NELL1: variants seen among roughly 807,000 people sequenced by gnomAD.
NELL1 encodes the protein protein kinase C-binding protein NELL1.
A neutral mutation model predicts 107.4 loss-of-function variants in NELL1; 76 were observed. The observed-to-expected ratio is 0.71, with a 90% CI of 0.59 to 0.86. NELL1 has a LOEUF of 0.86. Ranked by LOEUF, NELL1 falls within the 40% of genes least tolerant of loss-of-function variation. The pLI is 0.00. For synonymous variants in NELL1, 353 were observed against 341.2 expected (o/e 1.03, Z -0.38); for missense variants, 1,024 against 1,005.5 (o/e 1.02, Z -0.25).
intron 2 of NELL1, among the ~76,000 whole-genome samples, chr11:20,741,301 G>C (rs1855884653): frequency 6.6e-6 from 1 of 151,956 alleles, no homozygotes; most frequent in African/African-American, 2.4e-5. Context: ...AGACCATTTA[G>C]CTTTCCCTCC....
chr11:21,568,087 A>T (rs1448103822), intron 17 of NELL1, among the ~76,000 whole-genome samples: 1 of 151,826 alleles, frequency 6.6e-6, no homozygotes, highest in Non-Finnish European at 1.5e-5. Flanking sequence ...AACATCATAG[A>T]GTATATTTAA....
intron 15 of NELL1, among the ~76,000 whole-genome samples, chr11:21,463,037 T>A (rs1413286231): frequency 6.6e-6 from 1 of 152,064 alleles, no homozygotes; most frequent in African/African-American, 2.4e-5. Context: ...TCATTAAGAA[T>A]AAATTTGCTG....
intron 13 of NELL1, among the ~76,000 whole-genome samples, chr11:21,210,523 A>G (rs79449011): frequency 2.6e-5 from 4 of 152,176 alleles, no homozygotes; most frequent in South Asian, 2.1e-4. Context: ...CCATTTCTGT[A>G]TCTTCTTTGG....
intron 14 of NELL1, among the ~76,000 whole-genome samples, chr11:21,361,841 G>A (rs2133738814): frequency 6.6e-6 from 1 of 152,046 alleles, no homozygotes; most frequent in East Asian, 1.9e-4. Context: ...AGTTGTGATT[G>A]TTTTTCCTTT....
intron 2 of NELL1, among the ~76,000 whole-genome samples, chr11:20,738,774 G>T (rs563338305): frequency 6.6e-6 from 1 of 152,332 alleles, no homozygotes; most frequent in South Asian, 2.1e-4. Context: ...TTTCCTGCTA[G>T]AGGACGAGAA....
In NELL1 at chr11:20,724,581, G is replaced by C. The variant is rs188268316; in HGVS notation, c.184+46521G>C. Reference sequence around the variant, plus strand: ...TGACCTTTATTCCAGTTCACAGCAAGTTCTTCATCTCCATCCGAGACCACC... The same window carrying C: ...TGACCTTTATTCCAGTTCACAGCAACTTCTTCATCTCCATCCGAGACCACC... On this transcript the variant is annotated intron_variant, in intron 2 of 19. Transcript: ENST00000357134. Among the ~76,000 whole-genome samples the C allele has an allele frequency of 8.4e-3, 1,278 of 152,256 alleles. 12 individuals are homozygous for C. The highest frequency in any genetic ancestry group is 0.014 in the Non-Finnish European group (948 of 68,026).
chr11:21,450,447 C>T (rs1853548898), intron 15 of NELL1, among the ~76,000 whole-genome samples: 1 of 152,156 alleles, frequency 6.6e-6, no homozygotes, highest in African/African-American at 2.4e-5. Context: ...TTTATAGCTG[C>T]AGCTAGAGTT....
chr11:21,207,791 C>T (rs1182179690), intron 13 of NELL1, among the ~76,000 whole-genome samples: 1 of 152,164 alleles, frequency 6.6e-6, no homozygotes, highest in African/African-American at 2.4e-5. Context: ...TGCCAAACCT[C>T]TCCTAAGTGA....
At position 21,111,713 on chromosome 11, in the gene NELL1, A is replaced by G. The variant is rs577356957; in HGVS notation, c.1301-1876A>G. ...TTAGAAGTGATATGCTTCCACTCAGATTTCATGATCAATCATGAGATTAAT... is the reference window on the plus strand; with the variant it reads ...TTAGAAGTGATATGCTTCCACTCAGGTTTCATGATCAATCATGAGATTAAT... On this transcript the variant is annotated intron_variant, in intron 12 of 19. Transcript: ENST00000357134. 2.0e-5 allele frequency among the ~76,000 whole-genome samples: 3 copies of G among 152,176 alleles called. No homozygotes were observed. The East Asian group carries it at 5.8e-4, about 29-fold the overall frequency.
intron 14 of NELL1, among the ~76,000 whole-genome samples, chr11:21,245,223 C>T (rs890117170): frequency 6.6e-6 from 1 of 152,118 alleles, no homozygotes; most frequent in African/African-American, 2.4e-5. Flanking sequence ...CAAGTCTTCC[C>T]TTCTTCCCTG....
At chr11:21,337,693 C>A (rs1158622897) in intron 14 of NELL1, among the ~76,000 whole-genome samples, 1 of 151,952 alleles carries the variant, frequency 6.6e-6, no homozygotes, top group Non-Finnish European at 1.5e-5. Flanking sequence ...CCTGCTGGCA[C>A]CCTGCTTTTC....
At chr11:21,308,282 A>G (rs1485181582) in intron 14 of NELL1, among the ~76,000 whole-genome samples, 1 of 152,068 alleles carries the variant, frequency 6.6e-6, no homozygotes, top group Non-Finnish European at 1.5e-5. Context: ...CTGTTAAAGA[A>G]AACTCACTAG....
At chr11:20,946,429 A>T (rs750428146) in intron 10 of NELL1, among the ~76,000 whole-genome samples, 8 of 152,238 alleles carry the variant, frequency 5.3e-5, no homozygotes, top group African/African-American at 1.4e-4. Context: ...AATTGGCATC[A>T]TACTAAATAC....
At chr11:20,864,962 G>A (rs933303488) in intron 4 of NELL1, among the ~76,000 whole-genome samples, 1 of 152,204 alleles carries the variant, frequency 6.6e-6, no homozygotes, top group Non-Finnish European at 1.5e-5. Flanking sequence ...GACCTCAGGG[G>A]AGATTCTGAC....
At chr11:21,515,844 C>T (rs1855548438) in intron 15 of NELL1, among the ~76,000 whole-genome samples, 1 of 152,144 alleles carries the variant, frequency 6.6e-6, no homozygotes, top group Admixed American at 6.6e-5. Flanking sequence ...GAACTTTGCT[C>T]ACTACAAGTT....
At chr11:21,452,989 T>G (rs571204658) in intron 15 of NELL1, among the ~76,000 whole-genome samples, 1 of 152,156 alleles carries the variant, frequency 6.6e-6, no homozygotes, top group Non-Finnish European at 1.5e-5. Flanking sequence ...GTTCTATTTT[T>G]AATTTTCATT....
intron 5 of NELL1, among the ~76,000 whole-genome samples, chr11:20,897,355 G>A (rs1362847714): frequency 6.6e-6 from 1 of 152,286 alleles, no homozygotes; most frequent in African/African-American, 2.4e-5. Flanking sequence ...AAACTGGCTA[G>A]CCATATGTAG....
At chr11:20,737,651 A>G (rs1433984112) in intron 2 of NELL1, among the ~76,000 whole-genome samples, 1 of 152,120 alleles carries the variant, frequency 6.6e-6, no homozygotes. Flanking sequence ...CTTAAGTGTC[A>G]GCCATAGTTA....
intron 14 of NELL1, among the ~76,000 whole-genome samples, chr11:21,368,235 G>T (rs1851275062): frequency 6.6e-6 from 1 of 151,956 alleles, no homozygotes; most frequent in Admixed American, 6.6e-5. Flanking sequence ...AATAATGTGT[G>T]CCTAGATTGG....
Sources: allele counts gnomAD v4.1 joint callset (sites outside exome capture counted in the v4.1 genomes callset), GRCh38; gene constraint gnomAD v4.1.1; transcripts MANE v1.5; gene names NCBI Gene and HGNC (gene_info 2026-07-23, HGNC 2026-07-21).